The following PAPPA2 variants were observed in gnomAD, a reference collection of about 807,000 sequenced individuals.
PAPPA2 encodes pappalysin 2, also known as pappalysin-2.
A neutral mutation model predicts 176.4 loss-of-function variants in PAPPA2; 86 were observed. The ratio of observed to expected loss-of-function variants is 0.49; its 90% confidence interval spans 0.41 to 0.58. PAPPA2 has a LOEUF of 0.58. Among genes scored for constraint, PAPPA2 ranks in the 20% least tolerant of loss-of-function variants. PAPPA2 has a pLI of 0.00. For synonymous variants in PAPPA2, 809 were observed against 852.2 expected, an observed-to-expected ratio of 0.95 and a Z score of 0.88; for missense variants, 2,073 against 2,256.9, an observed-to-expected ratio of 0.92 and a Z score of 1.65.
At chr1:176,779,927 A>T (rs1029931750) in intron 17 of PAPPA2, among the ~76,000 whole-genome samples, 2 of 152,156 alleles carry the variant, frequency 1.3e-5, no homozygotes, top group Admixed American at 6.6e-5. Context: ...GGCAACGTAA[A>T]TGCTAATCAG....
intron 12 of PAPPA2, among the ~76,000 whole-genome samples, chr1:176,716,530 G>A (rs990906665): frequency 4.6e-5 from 7 of 151,278 alleles, no homozygotes; most frequent in Non-Finnish European, 4.4e-5. Flanking sequence ...ACAGGCATGA[G>A]CCACTGCGCC....
At chr1:176,563,638 C>T (rs1207186241) in intron 2 of PAPPA2, among the ~76,000 whole-genome samples, 1 of 152,146 alleles carries the variant, frequency 6.6e-6, no homozygotes, top group Non-Finnish European at 1.5e-5. Context: ...AGTTTGCTAA[C>T]TCATACTTTA....
At chr1:176,533,275 A>G (rs1415033766) in intron 1 of PAPPA2, among the ~76,000 whole-genome samples, 1 of 152,238 alleles carries the variant, frequency 6.6e-6, no homozygotes, top group African/African-American at 2.4e-5. Context: ...GCACCTTGGC[A>G]GAGTGTTGAA....
At chr1:176,590,685 A>G (rs1192276586) in intron 2 of PAPPA2, among the ~76,000 whole-genome samples, 1 of 152,192 alleles carries the variant, frequency 6.6e-6, no homozygotes, top group Non-Finnish European at 1.5e-5. Context: ...AACACTTTCA[A>G]ATAAGGAAAC....
intron 3 of PAPPA2, among the ~76,000 whole-genome samples, chr1:176,606,222 T>G (rs988533121): frequency 6.6e-6 from 1 of 152,160 alleles, no homozygotes; most frequent in African/African-American, 2.4e-5. Flanking sequence ...TACCTATCAT[T>G]ATGCAATAGC....
Position 176,556,548 on chromosome 1 carries a change from G to T in PAPPA2, c.226G>T (p.Gly76Trp), listed in dbSNP as rs571516637. Residue 76 changes from glycine to tryptophan, a missense_variant, in exon 2 of 23, where the codon GGG (glycine) becomes TGG (tryptophan). Coordinates refer to ENST00000367662, the MANE Select transcript of PAPPA2 (RefSeq NM_020318.3). Reference sequence around the variant, plus strand: ...CTTTGGAGTCTACCCCAGCAGGGCTGGGAACTACCTAAGGCCCTACCCCGT... The same window carrying T: ...CTTTGGAGTCTACCCCAGCAGGGCTTGGAACTACCTAAGGCCCTACCCCGT... ...HLFGVYPSRA[G>W]NYLRPYPVGE... The T allele has an allele frequency of 1.2e-6, 2 of 1,614,170 alleles. No homozygotes were observed. Among genetic ancestry groups the T allele is most frequent in the South Asian group, 1.1e-5 (1 of 91,080 alleles).
At chr1:176,838,124 G>A (rs77213862) in intron 21 of PAPPA2, among the ~76,000 whole-genome samples, 11,009 of 152,242 alleles carry the variant, frequency 0.072, 437 homozygotes, top group Non-Finnish European at 0.086. Context: ...CTATAGCAAA[G>A]GAAGTCCAGT....
In PAPPA2 at chr1:176,816,239, G is replaced by GTATATATA. The variant is rs1301500977; in HGVS notation, c.5202+16108_5202+16109insATATATAT. Among the ~76,000 whole-genome samples the GTATATATA allele has an allele frequency of 4.7e-4, 20 of 42,720 alleles. 1 individual carries two copies. The East Asian group carries it at 0.013, about 28-fold the overall frequency. 28.0% of individuals were successfully genotyped at this position (42,720 alleles called of 152,430 possible). The stretch of plus-strand genomic sequence containing the variant: ...ATATATAAAATTTATGTGTGTGTGT[G>GTATATATA]TGTATATATATATATATGTATGTAT... On this transcript the variant is annotated intron_variant, in intron 21 of 22. Coordinates refer to ENST00000367662, the MANE Select transcript of PAPPA2 (RefSeq NM_020318.3).
intron 3 of PAPPA2, among the ~76,000 whole-genome samples, chr1:176,614,887 A>G (rs1655117232): frequency 6.6e-6 from 1 of 152,190 alleles, no homozygotes; most frequent in South Asian, 2.1e-4. Flanking sequence ...CACAGCTCGA[A>G]AGGCATGTAA....
intron 1 of PAPPA2, among the ~76,000 whole-genome samples, chr1:176,543,702 G>A (rs946380998): frequency 1.3e-5 from 2 of 152,184 alleles, no homozygotes; most frequent in Admixed American, 6.5e-5. Flanking sequence ...GGCACAAATT[G>A]TCTGTCAGGG....
At chr1:176,678,650 G>A (rs1161423353) in intron 4 of PAPPA2, among the ~76,000 whole-genome samples, 1 of 150,522 alleles carries the variant, frequency 6.6e-6, no homozygotes, top group African/African-American at 2.4e-5. Context: ...TTTTCCTGCT[G>A]GGAGTCAGGC....
At chr1:176,529,988 G>A (rs1033390999) in intron 1 of PAPPA2, among the ~76,000 whole-genome samples, 1 of 152,048 alleles carries the variant, frequency 6.6e-6, no homozygotes, top group Non-Finnish European at 1.5e-5. Context: ...TAATGTACAG[G>A]GACCAGCTAA....
intron 1 of PAPPA2, among the ~76,000 whole-genome samples, chr1:176,464,577 C>G (rs901441876): frequency 3.3e-5 from 5 of 152,108 alleles, no homozygotes; most frequent in African/African-American, 1.2e-4. Flanking sequence ...AGATGAGGTA[C>G]GATATTGGGT....
At chr1:176,796,972 A>G (rs1034741506) in intron 20 of PAPPA2, among the ~76,000 whole-genome samples, 1 of 151,966 alleles carries the variant, frequency 6.6e-6, no homozygotes, top group African/African-American at 2.4e-5. Context: ...CAAATTGTCC[A>G]ATCAGGAGGA....
In PAPPA2 at chr1:176,616,245, C is replaced by T. The variant is rs1280963901; in HGVS notation, c.1991+20650C>T. The T allele has an allele frequency of 6.7e-6, 3 of 450,476 alleles. No individual in the cohort carries two copies. The East Asian group carries it at 1.5e-4, about 23-fold the overall frequency. The allele number at this position is 450,476 out of a possible 1,614,324, so 27.9% of individuals were successfully genotyped here. A position where few individuals can be genotyped will look rare whatever the true frequency, so the allele number is the denominator to read the frequency against. On this transcript the variant is annotated intron_variant, in intron 3 of 22. Coordinates refer to ENST00000367662, the MANE Select transcript of PAPPA2 (RefSeq NM_020318.3). ...TAGGTCCTATCTCAAGTTCCACTTC[C>T]AATAGCATTAGGCACCCCAGTTTTA...
chr1:176,796,191 T>G (rs1178181091), intron 20 of PAPPA2, among the ~76,000 whole-genome samples: 1 of 152,222 alleles, frequency 6.6e-6, no homozygotes, highest in Non-Finnish European at 1.5e-5. Flanking sequence ...TCATCATTTT[T>G]AAGCATGGAA....
At chr1:176,654,489 C>T (rs1203541806) in intron 3 of PAPPA2, among the ~76,000 whole-genome samples, 2 of 149,308 alleles carry the variant, frequency 1.3e-5, no homozygotes, top group Non-Finnish European at 3.0e-5. Flanking sequence ...TTACCATAGC[C>T]TTGTAGTATA....
At chr1:176,559,702 A>T (rs1387105229) in intron 2 of PAPPA2, among the ~76,000 whole-genome samples, 1 of 152,224 alleles carries the variant, frequency 6.6e-6, no homozygotes, top group African/African-American at 2.4e-5. Flanking sequence ...ACCTATGCAG[A>T]ATGACAATAG....
intron 1 of PAPPA2, among the ~76,000 whole-genome samples, chr1:176,495,610 C>T (rs1186865840): frequency 4.6e-5 from 7 of 151,462 alleles, no homozygotes. Flanking sequence ...GGATGTGCAT[C>T]CAGGCAGTCT....
Sources: gnomAD v4.1 joint callset for allele counts (sites outside exome capture counted in the v4.1 genomes callset) on GRCh38, gnomAD v4.1.1 for gene constraint, MANE v1.5 for transcripts, NCBI Gene and HGNC (gene_info 2026-07-23, HGNC 2026-07-21) for gene names.